Variants in ZNF865 observed in about 807,000 individuals in gnomAD.
The protein encoded by ZNF865 is zinc finger protein 865.
For missense variants in ZNF865, 1,311 were observed against 1,593.4 expected (o/e 0.82, Z 3.02); for synonymous variants, 763 against 750.8 (o/e 1.02, Z -0.27).
intron 1 of ZNF865, among the ~76,000 whole-genome samples, chr19:55,610,864 G>A (rs1382490998): frequency 1.3e-5 from 2 of 152,188 alleles, no homozygotes; most frequent in Non-Finnish European, 2.9e-5. Flanking sequence ...ACCCAAGGAG[G>A]CTCCAGAGGG....
In ZNF865 at chr19:55,616,480, C is replaced by T. The variant is rs1459103383; in HGVS notation, c.2862C>T (p.His954=). 1.3e-6 allele frequency: 2 copies of T among 1,533,624 alleles called. No homozygotes were observed. Among genetic ancestry groups the T allele is most frequent in the Non-Finnish European group, 1.7e-6 (2 of 1,145,632 alleles). ...ACCTGCTGGAGCACCAGCGGCTGCACCTGGGCGAGCGCGCCTACCGCTGTG... is the reference window on the plus strand; with the variant it reads ...ACCTGCTGGAGCACCAGCGGCTGCATCTGGGCGAGCGCGCCTACCGCTGTG... ...RSNLLEHQRL[H]LGERAYRCEH... is the part of the protein sequence containing the mutation. The change falls in exon 2 of 2, where the codon CAC becomes CAT. Residue 954 remains histidine (H), a synonymous_variant. Transcript: ENST00000568956.
In ZNF865 at chr19:55,611,966, A is replaced by T. The variant is rs1480075578; in HGVS notation, c.-26-1627A>T. On this transcript the variant is annotated intron_variant, in intron 1 of 1. Transcript: ENST00000568956. This position sits in a 1 kb window ranked among gnomAD's most constrained non-coding sequence, Gnocchi z 4.5. ...AGTCGTGTAAAGGAGGTGCCAGAGA[A>T]TGATGCCGGGGGTGGAGGGTCAGGA... Among the ~76,000 whole-genome samples the T allele has an allele frequency of 1.3e-5, 2 of 152,112 alleles. No individual in the cohort carries two copies. Among genetic ancestry groups the T allele is most frequent in the Admixed American group, 1.3e-4 (2 of 15,278 alleles).
rs1398148118 is a variant in ZNF865 at position 55,611,394 on chromosome 19, C to A, written c.-26-2199C>A. 6.6e-6 allele frequency among the ~76,000 whole-genome samples: 1 copy of A among 152,116 alleles called. No homozygotes were observed. Among genetic ancestry groups the A allele is most frequent in the Non-Finnish European group, 1.5e-5 (1 of 68,024 alleles). On this transcript the variant is annotated intron_variant, in intron 1 of 1. Transcript: ENST00000568956. This position sits in a 1 kb window ranked among gnomAD's most constrained non-coding sequence, Gnocchi z 4.5. ...CCCCCTATTCCCTGCATCCTTATGG[C>A]CTGTGTTTGCCTCCCTGGCCAGTCA... is the stretch of plus-strand genomic sequence containing the variant.
chr19:55,611,631 G>A lies in ZNF865; in HGVS notation c.-26-1962G>A, dbSNP rs910508577. ...TGGCGTTTGGGGTGGGGGTGGAAGA[G>A]ACACTCACCCCTCACCTGTGGGAGG... On this transcript the variant is annotated intron_variant, in intron 1 of 1. Transcript: ENST00000568956. The surrounding 1 kb of genome is among the most constrained non-coding windows in gnomAD (Gnocchi z 4.5). Among the ~76,000 whole-genome samples, 36 of 152,128 alleles carry A rather than the reference G, an allele frequency of 2.4e-4. 1 individual carries two copies.
At position 55,617,063 on chromosome 19, in the gene ZNF865, G is replaced by A; in HGVS notation, c.*265G>A. On this transcript the variant is annotated 3_prime_UTR_variant, in exon 2 of 2. Transcript: ENST00000568956. The stretch of plus-strand genomic sequence containing the variant: ...GTGACCCGCATCAGCCCCCGCCCCA[G>A]CAGCACTCTGCCCCCAGTAAGTTTT... The A allele has an allele frequency of 2.6e-6, 1 of 388,662 alleles. No individual in the cohort carries two copies. Among genetic ancestry groups the A allele is most frequent in the South Asian group, 8.4e-5 (1 of 11,916 alleles). 24.1% of individuals were successfully genotyped at this position (388,662 alleles called of 1,614,324 possible). A position where few individuals can be genotyped will look rare whatever the true frequency, so the allele number is the denominator to read the frequency against.
At chr19:55,608,139 A>G (rs1242408265) in intron 1 of ZNF865, among the ~76,000 whole-genome samples, 1 of 152,100 alleles carries the variant, frequency 6.6e-6, no homozygotes. Flanking sequence ...GCTCATTGAG[A>G]AGACAGTTGA....
In ZNF865 at chr19:55,615,265, G is replaced by T; in HGVS notation, c.1647G>T (p.Thr549=). Residue 549 remains threonine (T), a synonymous_variant, in exon 2 of 2, where the codon ACG becomes ACT. Transcript: ENST00000568956. The part of the protein sequence containing the change: ...GGSGASVPGK[T]FCCGICGRGF... ...CGGGCGCCAGCGTCCCAGGAAAGAC[G>T]TTCTGCTGCGGCATCTGCGGGCGCG... 1.1e-5 allele frequency: 16 copies of T among 1,523,064 alleles called. No individual in the cohort carries two copies. Among genetic ancestry groups the T allele is most frequent in the Non-Finnish European group, 1.4e-5 (16 of 1,142,226 alleles). The allele number at this position is 1,523,064 out of a possible 1,614,324, so 94.3% of individuals were successfully genotyped here. A position where few individuals can be genotyped will look rare whatever the true frequency, so the allele number is the denominator to read the frequency against.
rs1176292693 is a variant in ZNF865 at position 55,614,353 on chromosome 19, G to A, written c.735G>A (p.Val245=). The A allele has an allele frequency of 1.3e-6, 2 of 1,488,022 alleles. No individual in the cohort carries two copies. The highest frequency in any genetic ancestry group is 1.8e-6 in the Non-Finnish European group (2 of 1,123,496). The allele number at this position is 1,488,022 out of a possible 1,614,324, so 92.2% of individuals were successfully genotyped here. Residue 245 remains valine, a synonymous_variant, in exon 2 of 2, where the codon GTG becomes GTA. Transcript: ENST00000568956. This position sits in a 1 kb window ranked among gnomAD's most constrained non-coding sequence, Gnocchi z 8.0. ...CGCACCTGGTCCAGCACATGCTGGT[G>A]CACTCGGGGGAGAGGCCCTACGAAT... ...QSSHLVQHML[V]HSGERPYECG... is the part of the protein sequence containing the mutation.
rs752780717 is a variant in ZNF865 at position 55,616,783 on chromosome 19, C to A, written c.3165C>A (p.Ala1055=). 1.6e-5 allele frequency: 23 copies of A among 1,443,646 alleles called. No individual in the cohort carries two copies. The highest frequency in any genetic ancestry group is 2.9e-5 in the African/African-American group (2 of 69,578). 89.4% of individuals were successfully genotyped at this position (1,443,646 alleles called of 1,614,324 possible). The part of the protein sequence containing the change: ...GGPGAGAGTL[A]GKDA Reference sequence around the variant, plus strand: ...CTGGAGCAGGGGCGGGCACCTTGGCCGGGAAGGATGCCTGACCGAGGGGTT... The same window carrying A: ...CTGGAGCAGGGGCGGGCACCTTGGCAGGGAAGGATGCCTGACCGAGGGGTT... The change falls in exon 2 of 2, where the codon GCC becomes GCA. Residue 1055 remains alanine, a synonymous_variant. Coordinates refer to ENST00000568956, the MANE Select transcript of ZNF865 (RefSeq NM_001195605.2).
chr19:55,616,128 T>A lies in ZNF865; in HGVS notation c.2510T>A (p.Leu837Gln). The change falls in exon 2 of 2, where the codon CTA (leucine) becomes CAA (glutamine). Residue 837 changes from leucine to glutamine, a missense_variant. Leu to Gln is a moderately radical substitution (Grantham distance 113, BLOSUM62 -2). Coordinates refer to ENST00000568956, the MANE Select transcript of ZNF865 (RefSeq NM_001195605.2). ...TTCGCGGGCGCCTACGACTTGCTCC[T>A]ACACCGCCGCAGCCATCGGCAGAAG... ...QSFAGAYDLLLHRRSHRQKRG... is the reference protein window; with the variant it reads ...QSFAGAYDLLQHRRSHRQKRG... 1 of 1,495,438 alleles carries A rather than the reference T, an allele frequency of 6.7e-7. No homozygotes were observed. Among genetic ancestry groups the A allele is most frequent in the Non-Finnish European group, 8.9e-7 (1 of 1,124,694 alleles). The allele number at this position is 1,495,438 out of a possible 1,614,324, so 92.6% of individuals were successfully genotyped here.
chr19:55,616,658 G>A lies in ZNF865; in HGVS notation c.3040G>A (p.Gly1014Ser). Residue 1014 changes from glycine (G) to serine (S), a missense_variant, in exon 2 of 2, where the codon GGC becomes AGC. Physicochemically the swap from Gly to Ser is moderately conservative, Grantham distance 56. Transcript: ENST00000568956. Reference protein sequence around the residue: ...FRKHLAAHQGGRPFRCSSCGE... With the variant: ...FRKHLAAHQGSRPFRCSSCGE... Reference sequence around the variant, plus strand: ...TAAGCACCTGGCTGCCCACCAGGGCGGCCGGCCCTTCCGCTGCTCCTCCTG... The same window carrying A: ...TAAGCACCTGGCTGCCCACCAGGGCAGCCGGCCCTTCCGCTGCTCCTCCTG... The A allele has an allele frequency of 6.5e-7, 1 of 1,529,660 alleles. No homozygotes were observed. Among genetic ancestry groups the A allele is most frequent in the Non-Finnish European group, 8.7e-7 (1 of 1,143,960 alleles). 94.8% of individuals were successfully genotyped at this position (1,529,660 alleles called of 1,614,324 possible).
At position 55,606,143 on chromosome 19, in the gene ZNF865, C is replaced by T. The variant is rs536835548; in HGVS notation, c.-27+411C>T. On this transcript the variant is annotated intron_variant, in intron 1 of 1. Transcript: ENST00000568956. ...TTAGTATCCTCTATATAATTCTCCC[C>T]AGAGTGTTTCCTTAGTGCCTTGCAG... Among the ~76,000 whole-genome samples the T allele has an allele frequency of 8.5e-5, 13 of 152,204 alleles. 1 individual carries two copies. The East Asian group carries it at 2.3e-3, about 27-fold the overall frequency.
rs1415845812 is a variant in ZNF865, at chr19:55,616,816, C to T, written c.*18C>T. 31 of 1,435,598 alleles carry T rather than the reference C, an allele frequency of 2.2e-5. No homozygotes were observed. The highest frequency in any genetic ancestry group is 2.9e-5 in the African/African-American group (2 of 69,266). 88.9% of individuals were successfully genotyped at this position (1,435,598 alleles called of 1,614,324 possible). Reference sequence around the variant, plus strand: ...ATGCCTGACCGAGGGGTTCCCATCCCACTCCCATCAAAAGCCCCCTTCTGG... The same window carrying T: ...ATGCCTGACCGAGGGGTTCCCATCCTACTCCCATCAAAAGCCCCCTTCTGG... On this transcript the variant is annotated 3_prime_UTR_variant, in exon 2 of 2. Coordinates refer to ENST00000568956, the MANE Select transcript of ZNF865 (RefSeq NM_001195605.2).
At position 55,615,148 on chromosome 19, in the gene ZNF865, G is replaced by C; in HGVS notation, c.1530G>C (p.Ala510=). The C allele has an allele frequency of 8.3e-7, 1 of 1,207,932 alleles. No homozygotes were observed. The highest frequency in any genetic ancestry group is 1.0e-6 in the Non-Finnish European group (1 of 971,838). The allele number at this position is 1,207,932 out of a possible 1,614,324, so 74.8% of individuals were successfully genotyped here. The change falls in exon 2 of 2, where the codon GCG becomes GCC. Residue 510 remains alanine (A), a synonymous_variant. Coordinates refer to ENST00000568956, the MANE Select transcript of ZNF865 (RefSeq NM_001195605.2). ...TTDSEKAAAA[A]AAVVYGAVPV... is the part of the protein sequence containing the mutation. The stretch of plus-strand genomic sequence containing the variant: ...ACAGCGAGAAGGCGGCGGCGGCCGC[G>C]GCGGCGGTGGTGTACGGCGCTGTGC...
Position 55,614,277 on chromosome 19 carries a change from T to C in ZNF865, c.659T>C (p.Met220Thr), listed in dbSNP as rs1981256260. The C allele has an allele frequency of 6.6e-7, 1 of 1,516,722 alleles. No individual in the cohort carries two copies. The highest frequency in any genetic ancestry group is 1.4e-5 in the African/African-American group (1 of 70,584). 94.0% of individuals were successfully genotyped at this position (1,516,722 alleles called of 1,614,324 possible). A position where few individuals can be genotyped will look rare whatever the true frequency, so the allele number is the denominator to read the frequency against. Reference sequence around the variant, plus strand: ...TACTTCCGGAGACTGAAGTACCTGATGGAGCGGCGCTTCCCCTGCGGCGTG... The same window carrying C: ...TACTTCCGGAGACTGAAGTACCTGACGGAGCGGCGCTTCCCCTGCGGCGTG... ...KGYFRRLKYL[M>T]ERRFPCGVCQ... The change falls in exon 2 of 2, where the codon ATG becomes ACG. Residue 220 changes from methionine to threonine, a missense_variant. Transcript: ENST00000568956. The surrounding 1 kb of genome is among the most constrained non-coding windows in gnomAD (Gnocchi z 8.0).
rs1267079798 is a variant in ZNF865, at chr19:55,614,972, G to A, written c.1354G>A (p.Ala452Thr). Residue 452 changes from alanine to threonine, a missense_variant, in exon 2 of 2, where the codon GCT becomes ACT. Physicochemically the swap from Ala to Thr is moderately conservative, Grantham distance 58. Coordinates refer to ENST00000568956, the MANE Select transcript of ZNF865 (RefSeq NM_001195605.2). The surrounding 1 kb of genome is among the most constrained non-coding windows in gnomAD (Gnocchi z 8.0). The stretch of plus-strand genomic sequence containing the variant: ...CGACCTGTGCGGCAAGTCCTACTCG[G>A]CTCCGCAGAGCCTGCTCCGCCACAA... ...PCDLCGKSYS[A>T]PQSLLRHKAA... 2 of 1,431,926 alleles carry A rather than the reference G, an allele frequency of 1.4e-6. No homozygotes were observed. The highest frequency in any genetic ancestry group is 3.0e-5 in the East Asian group (1 of 33,816). The allele number at this position is 1,431,926 out of a possible 1,614,324, so 88.7% of individuals were successfully genotyped here.
At position 55,615,672 on chromosome 19, in the gene ZNF865, T is replaced by C; in HGVS notation, c.2054T>C (p.Met685Thr). ...CACTTCCCGGATCTCTTTCACGTCA[T>C]GAGTCACAAGGAGGTCCACATGGCA... Reference protein sequence around the residue: ...GEHFPDLFHVMSHKEVHMAEK... With the variant: ...GEHFPDLFHVTSHKEVHMAEK... The change falls in exon 2 of 2, where the codon ATG becomes ACG. Residue 685 changes from methionine (M) to threonine (T), a missense_variant. Met to Thr is a moderately conservative substitution (Grantham distance 81). Transcript: ENST00000568956. 2.0e-6 allele frequency: 3 copies of C among 1,534,542 alleles called. No homozygotes were observed. Among genetic ancestry groups the C allele is most frequent in the African/African-American group, 1.4e-5 (1 of 72,982 alleles).
chr19:55,612,334 C>T (rs1459686024), intron 1 of ZNF865, among the ~76,000 whole-genome samples: 1 of 152,098 alleles, frequency 6.6e-6, no homozygotes, highest in Non-Finnish European at 1.5e-5. Context: ...TGCCAGCCCC[C>T]TTGCTGGAAT....
chr19:55,616,642 G>A lies in ZNF865; in HGVS notation c.3024G>A (p.Leu1008=). The A allele has an allele frequency of 6.5e-7, 1 of 1,529,068 alleles. No individual in the cohort carries two copies. The highest frequency in any genetic ancestry group is 2.5e-5 in the East Asian group (1 of 40,704). 94.7% of individuals were successfully genotyped at this position (1,529,068 alleles called of 1,614,324 possible). The part of the protein sequence containing the change: ...FKDPGYFRKH[L]AAHQGGRPFR... ...ATCCCGGCTACTTCCGTAAGCACCTGGCTGCCCACCAGGGCGGCCGGCCCT... is the reference window on the plus strand; with the variant it reads ...ATCCCGGCTACTTCCGTAAGCACCTAGCTGCCCACCAGGGCGGCCGGCCCT... Residue 1008 remains leucine (L), a synonymous_variant, in exon 2 of 2, where the codon CTG becomes CTA. Transcript: ENST00000568956.
Sources: allele counts gnomAD v4.1 joint callset (sites outside exome capture counted in the v4.1 genomes callset), GRCh38; gene constraint gnomAD v4.1.1; non-coding constraint Gnocchi (gnomAD v3.1); transcripts MANE v1.5; gene names NCBI Gene and HGNC (gene_info 2026-07-23, HGNC 2026-07-21).